MEP1A: variants seen among roughly 807,000 people sequenced by gnomAD.
MEP1A encodes meprin A subunit alpha.
MEP1A carries 68 observed loss-of-function variants against 84.5 expected under a neutral mutation model. That is an observed-to-expected ratio of 0.80 (90% CI 0.66 to 0.98). The LOEUF is 0.98. Among genes scored for constraint, MEP1A ranks in the 50% least tolerant of loss-of-function variants. The pLI, the probability that MEP1A is intolerant of heterozygous loss-of-function variation, is 0.00. For missense variants in MEP1A, 887 were observed against 919.9 expected, an observed-to-expected ratio of 0.96 and a Z score of 0.46; for synonymous variants, 337 against 336.8, an observed-to-expected ratio of 1.00 and a Z score of -0.01.
intron 3 of MEP1A, 107 bp downstream of exon 3, chr6:46,793,823 G>T (rs1459679466): frequency 2.5e-6 from 2 of 806,372 alleles, no homozygotes; most frequent in East Asian, 5.6e-5. Flanking sequence ...CTCTGGGGGA[G>T]AAATATTTTT....
chr6:46,804,547 C>T (rs1012258401), intron 5 of MEP1A, among the ~76,000 whole-genome samples: 9 of 151,658 alleles, frequency 5.9e-5, no homozygotes, highest in Admixed American at 1.3e-4. Flanking sequence ...AAGTCGCTTT[C>T]GGGCACTAGT....
chr6:46,797,772 TTTTCTTTCTTTCTTTCTTTCTCTTTC>T (rs1562102491), intron 3 of MEP1A, among the ~76,000 whole-genome samples: 7 of 149,900 alleles, frequency 4.7e-5, no homozygotes, highest in African/African-American at 1.2e-4. Context: ...CTTTCTTTCT[TTTTCTTTCTTTCTTTCTTTCTCTTTC>T]TTTCTTTCTT....
In MEP1A at chr6:46,811,457, C is replaced by G. The variant is rs538432150; in HGVS notation, c.380+1920C>G. 9.9e-4 allele frequency among the ~76,000 whole-genome samples: 151 copies of G among 151,992 alleles called. 1 individual carries two copies. The highest frequency in any genetic ancestry group is 8.7e-3 in the South Asian group (42 of 4,808). ...CTTCCTGTTTACTGATTTGGATGCC[C>G]TTTATTTCTCTCTCTTGTCTGATTG... On this transcript the variant is annotated intron_variant, in intron 6 of 13. Coordinates refer to ENST00000230588, the MANE Select transcript of MEP1A (RefSeq NM_005588.3).
chr6:46,822,994 G>A (rs1275449932), intron 7 of MEP1A, among the ~76,000 whole-genome samples: 2 of 152,172 alleles, frequency 1.3e-5, no homozygotes, highest in African/African-American at 2.4e-5. Flanking sequence ...CTAGGACCAA[G>A]TACTCTGGAG....
intron 3 of MEP1A, 45 bp downstream of exon 3, chr6:46,793,761 A>T: frequency 7.3e-7 from 1 of 1,368,588 alleles, no homozygotes. Flanking sequence ...ATTACTTGAA[A>T]CCCAGTGGTG....
At chr6:46,795,804 A>C (rs1308243634) in intron 3 of MEP1A, among the ~76,000 whole-genome samples, 1 of 152,134 alleles carries the variant, frequency 6.6e-6, no homozygotes, top group African/African-American at 2.4e-5. Flanking sequence ...TCTCTGCTCC[A>C]ACCATCTAAT....
In MEP1A at chr6:46,833,495, C is replaced by A; in HGVS notation, c.1566C>A (p.Ser522=). Residue 522 remains serine (S), a synonymous_variant, in exon 11 of 14, where the codon TCC becomes TCA. Transcript: ENST00000230588. ...DQEPDVRNRM[S]SSMVFTTSKS... is the part of the protein sequence containing the mutation. ...AGCCTGATGTCCGGAACAGGATGTC[C>A]TCAAGCATGGTGTTCACTACCTCGA... 6.2e-7 allele frequency: 1 copy of A among 1,614,090 alleles called. No homozygotes were observed. The highest frequency in any genetic ancestry group is 8.5e-7 in the Non-Finnish European group (1 of 1,180,018).
intron 3 of MEP1A, among the ~76,000 whole-genome samples, chr6:46,795,479 T>G (rs1022167377): frequency 3.3e-5 from 5 of 152,014 alleles, no homozygotes; most frequent in Non-Finnish European, 7.4e-5. Flanking sequence ...TTTTCTATTT[T>G]TAGTAGAGAT....
chr6:46,829,251 G>A (rs1278530656), intron 9 of MEP1A, 105 bp from the exon 10 acceptor site: 2 of 871,158 alleles, frequency 2.3e-6, no homozygotes, highest in Admixed American at 2.0e-5. Flanking sequence ...TCTAGTTTTT[G>A]TTGCCTGGAC....
intron 12 of MEP1A, among the ~76,000 whole-genome samples, 175 bp from the exon 13 acceptor site, chr6:46,835,074 C>T (rs1768182687): frequency 6.6e-6 from 1 of 152,132 alleles, no homozygotes; most frequent in South Asian, 2.1e-4. Context: ...GACTGGATTA[C>T]TTTAAAATAA....
In MEP1A at chr6:46,807,565, A is replaced by AAAGG. The variant is rs1221947370; in HGVS notation, c.263-1800_263-1797dup. On this transcript the variant is annotated intron_variant, in intron 5 of 13. Transcript: ENST00000230588. ...GAAAGAAAGAAAGAAAGAAAGAAAG[A>AAAGG]AAGGAAGGAAGGAAGGAAGGAAGGA... is the stretch of plus-strand genomic sequence containing the variant. 9.5e-4 allele frequency among the ~76,000 whole-genome samples: 68 copies of AAAGG among 71,810 alleles called. 1 individual carries two copies. Among genetic ancestry groups the AAAGG allele is most frequent in the East Asian group, 2.5e-3 (7 of 2,814 alleles). The allele number at this position is 71,810 out of a possible 152,430, so 47.1% of individuals were successfully genotyped here.
intron 8 of MEP1A, 22 bp downstream of exon 8, chr6:46,825,515 A>AT: frequency 6.7e-7 from 1 of 1,502,248 alleles, no homozygotes; most frequent in Non-Finnish European, 9.2e-7. Flanking sequence ...AGTTTCTGAG[A>AT]ACTTGGTAAA....
intron 5 of MEP1A, among the ~76,000 whole-genome samples, chr6:46,807,535 A>G (rs1365203234): frequency 4.9e-5 from 2 of 40,948 alleles, no homozygotes; most frequent in Non-Finnish European, 8.9e-5. Context: ...AAAGAAAGAA[A>G]GAAAGAAAGA....
intron 11 of MEP1A, 97 bp from the exon 12 acceptor site, chr6:46,834,481 A>G (rs1768164360): frequency 7.5e-6 from 2 of 266,310 alleles, no homozygotes; most frequent in Non-Finnish European, 6.9e-6. Context: ...TTATTTATTT[A>G]TTTCTGATTC....
chr6:46,842,076 A>G (rs1252093050), downstream of MEP1A, among the ~76,000 whole-genome samples: 1 of 152,164 alleles, frequency 6.6e-6, no homozygotes, highest in Non-Finnish European at 1.5e-5. Flanking sequence ...CTTCCCTAAT[A>G]ATACTCTTAT....
In MEP1A at chr6:46,829,152, G is replaced by A. The variant is rs559552489; in HGVS notation, c.929-204G>A. On this transcript the variant is annotated intron_variant, in intron 9 of 13. Coordinates refer to ENST00000230588, the MANE Select transcript of MEP1A (RefSeq NM_005588.3). ...AACAAAGGCAATCAAACACAACAGT[G>A]GAGAGCAAGCTTTAGCCAGTGACTA... Among the ~76,000 whole-genome samples the A allele has an allele frequency of 7.2e-5, 11 of 152,332 alleles. No homozygotes were observed. The South Asian group carries it at 1.5e-3, about 20-fold the overall frequency.
intron 7 of MEP1A, among the ~76,000 whole-genome samples, chr6:46,824,852 TAA>T (rs1767881793): frequency 1.0e-5 from 1 of 96,628 alleles, no homozygotes; most frequent in Admixed American, 1.2e-4. Flanking sequence ...ATTATATATA[TAA>T]ATTATATATT....
Position 46,833,440 on chromosome 6 carries a change from G to C in MEP1A, c.1511G>C (p.Arg504Thr). 3 of 1,614,182 alleles carry C rather than the reference G, an allele frequency of 1.9e-6. No individual in the cohort carries two copies. Among genetic ancestry groups the C allele is most frequent in the Non-Finnish European group, 8.5e-7 (1 of 1,180,034 alleles). The change falls in exon 11 of 14, where the codon AGA becomes ACA. Residue 504 changes from arginine (R) to threonine (T), a missense_variant. Arg to Thr is a moderately conservative substitution (Grantham distance 71). Coordinates refer to ENST00000230588, the MANE Select transcript of MEP1A (RefSeq NM_005588.3). ...DAILEWPVEN[R>T]QVIITILDQE... ...ATCCTGGAGTGGCCGGTAGAAAACA[G>C]ACAGGTGATAATTACCATCCTTGAC... is the stretch of plus-strand genomic sequence containing the variant.
At chr6:46,807,557 AAAGAAAGAAAGGAAGG>A (rs1767362931) in intron 5 of MEP1A, among the ~76,000 whole-genome samples, 52 of 66,048 alleles carry the variant, frequency 7.9e-4, no homozygotes, top group East Asian at 3.0e-3. Flanking sequence ...AGAAAGAAAG[AAAGAAAGAAAGGAAGG>A]AAGGAAGGAA....
Sources: allele counts gnomAD v4.1 joint callset (sites outside exome capture counted in the v4.1 genomes callset), GRCh38; gene constraint gnomAD v4.1.1; transcripts MANE v1.5; gene names NCBI Gene and HGNC (gene_info 2026-07-23, HGNC 2026-07-21).